MED21: variants seen among roughly 807,000 people sequenced by gnomAD.
MED21 encodes the protein mediator of RNA polymerase II transcription subunit 21.
Under a neutral mutation model 18.2 loss-of-function variants are expected in MED21, and 9 were observed. That is an observed-to-expected ratio of 0.49 (90% CI 0.30 to 0.86). The LOEUF (loss-of-function observed/expected upper bound fraction) is 0.86. MED21 is among the 40% of genes least tolerant of loss of function. MED21 has a pLI of 0.07. For missense variants in MED21, 150 were observed against 170.9 expected (o/e 0.88, Z 0.68); for synonymous variants, 73 against 60.5 (o/e 1.21, Z -0.96).
At chr12:27,024,009 C>T (rs1941512106) in intron 1 of MED21, among the ~76,000 whole-genome samples, 1 of 152,150 alleles carries the variant, frequency 6.6e-6, no homozygotes, top group South Asian at 2.1e-4. Flanking sequence ...TGCGCTACAG[C>T]GTTAGTACTG....
Position 27,029,108 on chromosome 12 carries a change from C to T in MED21, c.*647C>T. 1 of 985,376 alleles carries T rather than the reference C, an allele frequency of 1.0e-6. No homozygotes were observed. Among genetic ancestry groups the T allele is most frequent in the South Asian group, 4.7e-5 (1 of 21,282 alleles). The allele number at this position is 985,376 out of a possible 1,614,324, so 61.0% of individuals were successfully genotyped here. On this transcript the variant is annotated 3_prime_UTR_variant, in exon 4 of 4. Transcript: ENST00000282892. ...CTGTTGTGAAAGAATTTTTCTACAT[C>T]CTGAACTATTTTTCCTATTTCTTTT...
intron 1 of MED21, among the ~76,000 whole-genome samples, chr12:27,024,399 C>T (rs922869927): frequency 2.0e-5 from 3 of 152,092 alleles, no homozygotes; most frequent in African/African-American, 7.2e-5. Context: ...CTGATCTACC[C>T]TGGGTGAATA....
chr12:27,024,533 T>A (rs1941519261), intron 1 of MED21, among the ~76,000 whole-genome samples: 1 of 152,192 alleles, frequency 6.6e-6, no homozygotes. Flanking sequence ...CCTTTGAGGT[T>A]TTACGAAATC....
rs1260145238 is a variant in MED21, at chr12:27,028,977, A to T, written c.*516A>T. The T allele has an allele frequency of 1.0e-6, 1 of 985,544 alleles. No individual in the cohort carries two copies. Among genetic ancestry groups the T allele is most frequent in the Non-Finnish European group, 1.2e-6 (1 of 830,004 alleles). The allele number at this position is 985,544 out of a possible 1,614,324, so 61.0% of individuals were successfully genotyped here. A position where few individuals can be genotyped will look rare whatever the true frequency, so the allele number is the denominator to read the frequency against. On this transcript the variant is annotated 3_prime_UTR_variant, in exon 4 of 4. Transcript: ENST00000282892. ...AATAGAGTTAGTGTGGCTGGATAAG[A>T]AAGTCACATTTATGCAAATGTTTCT...
rs1002942938 is a variant in MED21, at chr12:27,029,398, C to T, written c.*937C>T. On this transcript the variant is annotated 3_prime_UTR_variant, in exon 4 of 4. Coordinates refer to ENST00000282892, the MANE Select transcript of MED21 (RefSeq NM_004264.5). ...GGTTATTCATCCAACCCTTGGATCTCTTTGAGTCTACTGATAATCTCCACT... is the reference window on the plus strand; with the variant it reads ...GGTTATTCATCCAACCCTTGGATCTTTTTGAGTCTACTGATAATCTCCACT... The T allele has an allele frequency of 4.1e-6, 4 of 985,240 alleles. No individual in the cohort carries two copies. The African/African-American group carries it at 7.0e-5, about 17-fold the overall frequency. The allele number at this position is 985,240 out of a possible 1,614,324, so 61.0% of individuals were successfully genotyped here.
At position 27,029,157 on chromosome 12, in the gene MED21, A is replaced by G. The variant is rs1397209968; in HGVS notation, c.*696A>G. ...TTCACCTTGCTTTTTTTCATCCTTA[A>G]TTTGCTTGTCATCACAATGAAGTAT... is the stretch of plus-strand genomic sequence containing the variant. On this transcript the variant is annotated 3_prime_UTR_variant, in exon 4 of 4. Coordinates refer to ENST00000282892, the MANE Select transcript of MED21 (RefSeq NM_004264.5). The G allele has an allele frequency of 1.0e-6, 1 of 984,950 alleles. No homozygotes were observed. Among genetic ancestry groups the G allele is most frequent in the Admixed American group, 6.2e-5 (1 of 16,246 alleles). 61.0% of individuals were successfully genotyped at this position (984,950 alleles called of 1,614,324 possible). A position where few individuals can be genotyped will look rare whatever the true frequency, so the allele number is the denominator to read the frequency against.
chr12:27,029,532 T>G lies in MED21; in HGVS notation c.*1071T>G. 4 of 985,396 alleles carry G rather than the reference T, an allele frequency of 4.1e-6. No homozygotes were observed. The highest frequency in any genetic ancestry group is 4.8e-6 in the Non-Finnish European group (4 of 829,930). The allele number at this position is 985,396 out of a possible 1,614,324, so 61.0% of individuals were successfully genotyped here. A position where few individuals can be genotyped will look rare whatever the true frequency, so the allele number is the denominator to read the frequency against. ...TGCTGCAATCTGTTGCTATTCAGAG[T>G]TTAAGTTTCAGGAGAAAACAGGAAC... On this transcript the variant is annotated 3_prime_UTR_variant, in exon 4 of 4. Transcript: ENST00000282892.
chr12:27,024,737 C>T (rs1941521186), intron 1 of MED21, among the ~76,000 whole-genome samples: 1 of 152,182 alleles, frequency 6.6e-6, no homozygotes, highest in Admixed American at 6.5e-5. Context: ...GTGTAAGCAC[C>T]ATCATGTTTA....
chr12:27,026,512 C>T lies in MED21; in HGVS notation c.135C>T (p.Asp45=). 2.5e-6 allele frequency: 4 copies of T among 1,613,340 alleles called. No homozygotes were observed. The highest frequency in any genetic ancestry group is 2.5e-6 in the Non-Finnish European group (3 of 1,179,428). ...ATATTCAGACAGCAATTAACAAAGA[C>T]CAGCCAGCTAACCCTACAGAAGGTA... ...FNNIQTAINK[D]QPANPTEEYA... Residue 45 remains aspartate, a synonymous_variant, in exon 2 of 4, where the codon GAC becomes GAT. Coordinates refer to ENST00000282892, the MANE Select transcript of MED21 (RefSeq NM_004264.5).
At chr12:27,027,894 A>C (rs956074767) in intron 3 of MED21, among the ~76,000 whole-genome samples, 1 of 152,166 alleles carries the variant, frequency 6.6e-6, no homozygotes, top group Admixed American at 6.5e-5. Flanking sequence ...TTAATGTATG[A>C]ATTTTGGAGG....
chr12:27,028,800 A>G lies in MED21; in HGVS notation c.*339A>G, dbSNP rs926967518. The G allele has an allele frequency of 6.2e-5, 62 of 1,001,118 alleles. No individual in the cohort carries two copies. Among genetic ancestry groups the G allele is most frequent in the Non-Finnish European group, 7.0e-5 (59 of 839,426 alleles). The allele number at this position is 1,001,118 out of a possible 1,614,324, so 62.0% of individuals were successfully genotyped here. A position where few individuals can be genotyped will look rare whatever the true frequency, so the allele number is the denominator to read the frequency against. On this transcript the variant is annotated 3_prime_UTR_variant, in exon 4 of 4. Coordinates refer to ENST00000282892, the MANE Select transcript of MED21 (RefSeq NM_004264.5). ...TTGTTGTATTGGCCAGTACTTTTACAAATCAAAACATCTCTCAAGCCAAAG... is the reference window on the plus strand; with the variant it reads ...TTGTTGTATTGGCCAGTACTTTTACGAATCAAAACATCTCTCAAGCCAAAG...
rs1371390533 is a variant in MED21, at chr12:27,022,833, CTT to C, written c.42+214_42+215del. 4.7e-6 allele frequency: 7 copies of C among 1,483,938 alleles called. No homozygotes were observed. In the South Asian group the frequency reaches 4.8e-5, roughly 10 times the overall value. The allele number at this position is 1,483,938 out of a possible 1,614,324, so 91.9% of individuals were successfully genotyped here. On this transcript the variant is annotated intron_variant, in intron 1 of 3. Coordinates refer to ENST00000282892, the MANE Select transcript of MED21 (RefSeq NM_004264.5). ...TTGAAGGTGCGGGAGGGAGCAGACT[CTT>C]TCGCTTGAGGAGACCGGGAAGATCG...
rs1941579276 is a variant in MED21, at chr12:27,028,835, G to A, written c.*374G>A. On this transcript the variant is annotated 3_prime_UTR_variant, in exon 4 of 4. Transcript: ENST00000282892. ...ATCTCTCAAGCCAAAGGAGAAGACA[G>A]TAAGAACAGACATAAGGGACATTTT... 3.0e-6 allele frequency: 3 copies of A among 992,390 alleles called. No homozygotes were observed. Among genetic ancestry groups the A allele is most frequent in the African/African-American group, 1.7e-5 (1 of 57,538 alleles). 61.5% of individuals were successfully genotyped at this position (992,390 alleles called of 1,614,324 possible).
At position 27,029,770 on chromosome 12, in the gene MED21, C is replaced by A. The variant is rs1279436793; in HGVS notation, c.*1309C>A. On this transcript the variant is annotated 3_prime_UTR_variant, in exon 4 of 4. Transcript: ENST00000282892. ...ATCAGATATTTGGCATAAATCTGTA[C>A]TCTTCATTATAGTTTTGGGGGGAGA... 3.0e-6 allele frequency: 3 copies of A among 985,186 alleles called. No individual in the cohort carries two copies. In the African/African-American group the frequency reaches 5.2e-5, roughly 17 times the overall value. 61.0% of individuals were successfully genotyped at this position (985,186 alleles called of 1,614,324 possible). A position where few individuals can be genotyped will look rare whatever the true frequency, so the allele number is the denominator to read the frequency against.
Position 27,029,429 on chromosome 12 carries a change from G to A in MED21, c.*968G>A. 6 of 985,342 alleles carry A rather than the reference G, an allele frequency of 6.1e-6. No individual in the cohort carries two copies. The highest frequency in any genetic ancestry group is 7.2e-6 in the Non-Finnish European group (6 of 829,868). The allele number at this position is 985,342 out of a possible 1,614,324, so 61.0% of individuals were successfully genotyped here. On this transcript the variant is annotated 3_prime_UTR_variant, in exon 4 of 4. Transcript: ENST00000282892. ...GTCTACTGATAATCTCCACTGGAAA[G>A]GTGGAATTGAAATGTGGTCCACATT...
intron 2 of MED21, chr12:27,037,531 G>T (rs1276226772): frequency 1.3e-5 from 2 of 152,156 alleles, no homozygotes; most frequent in Non-Finnish European, 2.9e-5. Flanking sequence ...TTTTCAAAGG[G>T]AATGCTTCCA....
Position 27,030,478 on chromosome 12 carries a change from T to G in MED21, c.*2017T>G. On this transcript the variant is annotated 3_prime_UTR_variant, in exon 4 of 4. Transcript: ENST00000282892. ...TACAGATTATTTTCAAAAGCATTAA[T>G]AAATTAAGGTGGAATACTAAAAAAG... The G allele has an allele frequency of 3.1e-6, 1 of 327,194 alleles. No homozygotes were observed. The highest frequency in any genetic ancestry group is 5.5e-6 in the Non-Finnish European group (1 of 183,116). The allele number at this position is 327,194 out of a possible 1,614,324, so 20.3% of individuals were successfully genotyped here.
At chr12:27,031,633 T>C (rs1282681416), downstream of MED21, among the ~76,000 whole-genome samples, 1 of 152,116 alleles carries the variant, frequency 6.6e-6, no homozygotes, top group East Asian at 1.9e-4. Flanking sequence ...TAAGATTCTG[T>C]GTCTCTGCTA....
chr12:27,032,036 C>T (rs970770157), downstream of MED21, among the ~76,000 whole-genome samples: 2 of 152,134 alleles, frequency 1.3e-5, no homozygotes, highest in Non-Finnish European at 2.9e-5. Flanking sequence ...CCAAAAACGA[C>T]GGATGTGTCT....
Sources: allele counts gnomAD v4.1 joint callset (sites outside exome capture counted in the v4.1 genomes callset), GRCh38; gene constraint gnomAD v4.1.1; transcripts MANE v1.5; gene names NCBI Gene and HGNC (gene_info 2026-07-23, HGNC 2026-07-21).